The following KCNT1 variants were observed in gnomAD, a reference collection of about 807,000 sequenced individuals.
KCNT1 encodes potassium sodium-activated channel subfamily T member 1.
In KCNT1, 78 loss-of-function variants were observed where a neutral mutation model predicts 147.8. The ratio of observed to expected loss-of-function variants is 0.53; its 90% CI spans 0.44 to 0.64. The LOEUF (loss-of-function observed/expected upper bound fraction) is 0.64. Ranked by LOEUF, KCNT1 falls within the 30% of genes least tolerant of loss-of-function variation. The pLI is 0.00. For missense variants in KCNT1, 1,419 were observed against 1,750.3 expected, an observed-to-expected ratio of 0.81 and a Z score of 3.38; for synonymous variants, 867 against 748.8, an observed-to-expected ratio of 1.16 and a Z score of -2.58.
chr9:135,770,848 T>C lies in KCNT1; in HGVS notation c.1770-9T>C. On this transcript the variant is annotated splice_polypyrimidine_tract_variant and intron_variant, in intron 17 of 30. Transcript: ENST00000371757. ...GGCGGTACCTGAAGTTGCCGGTGCC[T>C]CTGCCCAGGTATGGCGTGTGCCTCA... 1 of 1,559,638 alleles carries C rather than the reference T, an allele frequency of 6.4e-7. No homozygotes were observed. The highest frequency in any genetic ancestry group is 8.7e-7 in the Non-Finnish European group (1 of 1,150,766).
At chr9:135,725,195 G>T (rs975255217) in intron 2 of KCNT1, among the ~76,000 whole-genome samples, 1 of 151,918 alleles carries the variant, frequency 6.6e-6, no homozygotes, top group African/African-American at 2.4e-5. Flanking sequence ...TGCCGGGGGG[G>T]ACCTCAGAAG....
Position 135,770,984 on chromosome 9 carries a change from T to C in KCNT1, c.1897T>C (p.Ser633Pro). Reference protein sequence around the residue: ...FYINITKEENSAFIFKQEEKR... With the variant: ...FYINITKEENPAFIFKQEEKR... ...CATCAACATCACCAAGGAGGAGAACTCGGCCTTCATCTTCAAGCAGGAGGA... is the reference window on the plus strand; with the variant it reads ...CATCAACATCACCAAGGAGGAGAACCCGGCCTTCATCTTCAAGCAGGAGGA... Residue 633 changes from serine to proline, a missense_variant, in exon 18 of 31, where the codon TCG (serine) becomes CCG (proline). Physicochemically the swap from Ser to Pro is moderately conservative, Grantham distance 74. Coordinates refer to ENST00000371757, the MANE Select transcript of KCNT1 (RefSeq NM_020822.3). 1.9e-6 allele frequency: 3 copies of C among 1,613,906 alleles called. No homozygotes were observed. The highest frequency in any genetic ancestry group is 2.5e-6 in the Non-Finnish European group (3 of 1,179,932).
At chr9:135,768,445 TTCCA>T in intron 13 of KCNT1, 161 bp from the exon 14 acceptor site, 1 of 545,862 alleles carries the variant, frequency 1.8e-6, no homozygotes, top group South Asian at 2.2e-5. Flanking sequence ...CCTCCCCGCC[TTCCA>T]TCCTCTCCGC....
chr9:135,765,662 T>A lies in KCNT1; in HGVS notation c.1239T>A (p.Asp413Glu). 1 of 1,611,076 alleles carries A rather than the reference T, an allele frequency of 6.2e-7. No homozygotes were observed. Residue 413 changes from aspartate (D) to glutamate (E), a missense_variant, in exon 13 of 31, where the codon GAT becomes GAA. Coordinates refer to ENST00000371757, the MANE Select transcript of KCNT1 (RefSeq NM_020822.3). Reference protein sequence around the residue: ...YVVILCPTEMDVQVRRVLQIP... With the variant: ...YVVILCPTEMEVQVRRVLQIP... ...TCATCCTGTGCCCCACGGAGATGGATGTCCAGGTGCGCAGAGTCCTGCAGA... is the reference window on the plus strand; with the variant it reads ...TCATCCTGTGCCCCACGGAGATGGAAGTCCAGGTGCGCAGAGTCCTGCAGA...
chr9:135,708,334 T>C (rs1250665990), intron 1 of KCNT1, among the ~76,000 whole-genome samples: 2 of 152,242 alleles, frequency 1.3e-5, no homozygotes, highest in African/African-American at 4.8e-5. Context: ...CATGCACATA[T>C]TCGTACACAT....
At chr9:135,731,976 A>ATG (rs1836465818) in intron 2 of KCNT1, among the ~76,000 whole-genome samples, 1 of 42,162 alleles carries the variant, frequency 2.4e-5, no homozygotes, top group African/African-American at 8.4e-5. Context: ...ATATATATAT[A>ATG]TATATATATA....
intron 2 of KCNT1, among the ~76,000 whole-genome samples, chr9:135,734,224 G>A (rs1381476529): frequency 6.6e-6 from 1 of 152,186 alleles, no homozygotes; most frequent in Non-Finnish European, 1.5e-5. Flanking sequence ...CTCCATGGGA[G>A]CAGAAAGTGC....
chr9:135,725,894 C>T (rs1361312542), intron 2 of KCNT1, among the ~76,000 whole-genome samples: 2 of 152,138 alleles, frequency 1.3e-5, no homozygotes, highest in Admixed American at 1.3e-4. Context: ...TCCCACCCGC[C>T]CTGGGAGCCC....
chr9:135,778,369 G>C (rs1833331877), intron 21 of KCNT1, 55 bp from the exon 22 acceptor site: 1 of 1,508,660 alleles, frequency 6.6e-7, no homozygotes, highest in Non-Finnish European at 9.0e-7. Flanking sequence ...CACTGGGCCT[G>C]AGGAGGGCAG....
chr9:135,794,235 G>A lies in KCNT1; in HGVS notation c.*2074G>A, dbSNP rs1834716739. 1 of 152,328 alleles carries A rather than the reference G, an allele frequency of 6.6e-6. No individual in the cohort carries two copies. Among genetic ancestry groups the A allele is most frequent in the South Asian group, 2.1e-4 (1 of 4,834 alleles). 9.4% of individuals were successfully genotyped at this position (152,328 alleles called of 1,614,324 possible). On this transcript the variant is annotated 3_prime_UTR_variant, in exon 31 of 31. Coordinates refer to ENST00000371757, the MANE Select transcript of KCNT1 (RefSeq NM_020822.3). ...TTCGGGATTGACTTGCGATGTGGAT[G>A]GTGTTCCCGGAGTCCCCTGTGGCCA... is the stretch of plus-strand genomic sequence containing the variant.
intron 2 of KCNT1, among the ~76,000 whole-genome samples, chr9:135,722,512 T>C (rs1835964764): frequency 6.6e-6 from 1 of 152,224 alleles, no homozygotes; most frequent in Non-Finnish European, 1.5e-5. Flanking sequence ...GTTTCCATCA[T>C]CCGGCGCGTC....
intron 2 of KCNT1, among the ~76,000 whole-genome samples, chr9:135,737,552 A>G (rs1210256932): frequency 6.6e-6 from 1 of 152,078 alleles, no homozygotes. Context: ...TGGGAGAGAG[A>G]GGTGCAGGCC....
chr9:135,744,284 A>T (rs532217998), intron 2 of KCNT1, among the ~76,000 whole-genome samples: 1 of 152,212 alleles, frequency 6.6e-6, no homozygotes, highest in East Asian at 1.9e-4. Context: ...TGCCGACCCC[A>T]TTTGTCACAG....
At chr9:135,757,026 C>T (rs1191222082) in intron 7 of KCNT1, 94 bp downstream of exon 7, 4 of 1,067,894 alleles carry the variant, frequency 3.7e-6, no homozygotes, top group African/African-American at 1.6e-5. Context: ...TCCTATTTCC[C>T]CACACTTCCC....
At chr9:135,759,005 C>T (rs866441815) in intron 10 of KCNT1, among the ~76,000 whole-genome samples, 1 of 152,256 alleles carries the variant, frequency 6.6e-6, no homozygotes, top group South Asian at 2.1e-4. Context: ...ACTTCCCGTC[C>T]CCAGGCAGGG....
chr9:135,774,915 C>A (rs1472592865), intron 19 of KCNT1, among the ~76,000 whole-genome samples: 1 of 152,154 alleles, frequency 6.6e-6, no homozygotes. Context: ...CTCCTCCAGT[C>A]CCCCAAGGCC....
intron 2 of KCNT1, among the ~76,000 whole-genome samples, chr9:135,737,252 T>A (rs976970403): frequency 2.0e-5 from 3 of 152,126 alleles, no homozygotes. Flanking sequence ...CTGTGGGGTA[T>A]GCTTGGGCTG....
In KCNT1 at chr9:135,785,173, C is replaced by T. The variant is rs551710328; in HGVS notation, c.3157-137C>T. The T allele has an allele frequency of 6.1e-5, 81 of 1,325,700 alleles. No individual in the cohort carries two copies. In the Middle Eastern group the frequency reaches 2.0e-3, roughly 32 times the overall value. 82.1% of individuals were successfully genotyped at this position (1,325,700 alleles called of 1,614,324 possible). On this transcript the variant is annotated intron_variant, in intron 27 of 30. Transcript: ENST00000371757. The stretch of plus-strand genomic sequence containing the variant: ...AGTCTTCAGGAAGAATACGGGCAGC[C>T]CCTGTGCTGCAGTCCACACAGCAGC...
In KCNT1 at chr9:135,714,648, T is replaced by C; in HGVS notation, c.182T>C (p.Val61Ala). The C allele has an allele frequency of 6.8e-7, 1 of 1,481,216 alleles. No individual in the cohort carries two copies. Among genetic ancestry groups the C allele is most frequent in the East Asian group, 3.0e-5 (1 of 33,144 alleles). 91.8% of individuals were successfully genotyped at this position (1,481,216 alleles called of 1,614,324 possible). A position where few individuals can be genotyped will look rare whatever the true frequency, so the allele number is the denominator to read the frequency against. Residue 61 changes from valine (V) to alanine (A), a missense_variant, in exon 2 of 31, where the codon GTG (valine) becomes GCG (alanine). By Grantham distance (64) the Val-to-Ala change is moderately conservative. Coordinates refer to ENST00000371757, the MANE Select transcript of KCNT1 (RefSeq NM_020822.3). The surrounding 1 kb of genome is among the most constrained non-coding windows in gnomAD (Gnocchi z 6.2). ...GFKMSDLDSE[V>A]LPLPPRYRFR... is the part of the protein sequence containing the mutation. ...AAGATGAGCGACCTGGACTCCGAGGTGCTGCCCTTGCCGCCGCGCTACCGC... is the reference window on the plus strand; with the variant it reads ...AAGATGAGCGACCTGGACTCCGAGGCGCTGCCCTTGCCGCCGCGCTACCGC...
Sources: allele counts gnomAD v4.1 joint callset (sites outside exome capture counted in the v4.1 genomes callset), GRCh38; gene constraint gnomAD v4.1.1; non-coding constraint Gnocchi (gnomAD v3.1); transcripts MANE v1.5; gene names NCBI Gene and HGNC (gene_info 2026-07-23, HGNC 2026-07-21).